CACNA1A: variants seen among roughly 807,000 people sequenced by gnomAD.
The protein encoded by CACNA1A is voltage-dependent P/Q-type calcium channel subunit alpha-1A.
In CACNA1A, 57 loss-of-function variants were observed where a neutral mutation model predicts 262.4. The ratio of observed to expected loss-of-function variants is 0.22; its 90% CI spans 0.18 to 0.27. CACNA1A has a LOEUF of 0.27. Ranked by LOEUF, CACNA1A falls within the 10% of genes least tolerant of loss-of-function variation. The probability of loss-of-function intolerance (pLI) is 1.00; values close to 1 mark genes in which losing one functional copy is unlikely to be tolerated. For missense variants in CACNA1A, 2,526 were observed against 3,562.8 expected, an observed-to-expected ratio of 0.71 and a Z score of 7.41; for synonymous variants, 1,431 against 1,419.3, an observed-to-expected ratio of 1.01 and a Z score of -0.18.
At chr19:13,250,288 G>C (rs1031538398) in intron 30 of CACNA1A, among the ~76,000 whole-genome samples, 3 of 151,982 alleles carry the variant, frequency 2.0e-5, no homozygotes, top group African/African-American at 4.8e-5. Flanking sequence ...TTGAACTCCT[G>C]ACCTCAAGGG....
intron 6 of CACNA1A, among the ~76,000 whole-genome samples, chr19:13,347,848 A>G (rs8110666): frequency 0.76 from 115,675 of 152,212 alleles, 44,414 homozygotes; most frequent in East Asian, 1. Flanking sequence ...GAAAAAGGGC[A>G]TGGGTCAAAG....
chr19:13,320,025 C>A (rs1295618085), intron 10 of CACNA1A, among the ~76,000 whole-genome samples: 1 of 152,158 alleles, frequency 6.6e-6, no homozygotes, highest in Non-Finnish European at 1.5e-5. Context: ...GACCTGCTTA[C>A]AGGGACGCCT....
chr19:13,502,127 G>A lies in CACNA1A; in HGVS notation c.293+3805C>T, dbSNP rs1481523539. Among the ~76,000 whole-genome samples the A allele has an allele frequency of 9.0e-5, 13 of 144,572 alleles. No homozygotes were observed. The South Asian group carries it at 2.0e-3, about 22-fold the overall frequency. The allele number at this position is 144,572 out of a possible 152,430, so 94.8% of individuals were successfully genotyped here. A position where few individuals can be genotyped will look rare whatever the true frequency, so the allele number is the denominator to read the frequency against. ...TCCCATGTCTCCCAGCGCTTCTCAT[G>A]CAGAAAGTTTCTCTTTAGAGAGCTT... On this transcript the variant is annotated intron_variant, in intron 1 of 46. Transcript: ENST00000360228.
Position 13,214,779 on chromosome 19 carries a change from G to A in CACNA1A, c.5732-171C>T, listed in dbSNP as rs2054937510. On this transcript the variant is annotated intron_variant, in intron 38 of 46. Transcript: ENST00000360228. This position sits in a 1 kb window ranked among gnomAD's most constrained non-coding sequence, Gnocchi z 4.1. The stretch of plus-strand genomic sequence containing the variant: ...AGAGGAGGCCCTGGGCAGTGCTGCT[G>A]GAATGACCTTGTGGGCTCTGGTTTT... The A allele has an allele frequency of 8.2e-6, 5 of 613,192 alleles. No homozygotes were observed. In the Admixed American group the frequency reaches 1.4e-4, roughly 17 times the overall value. The allele number at this position is 613,192 out of a possible 1,614,324, so 38.0% of individuals were successfully genotyped here. A position where few individuals can be genotyped will look rare whatever the true frequency, so the allele number is the denominator to read the frequency against.
chr19:13,288,603 G>T (rs1445931021), intron 19 of CACNA1A, among the ~76,000 whole-genome samples: 2 of 152,002 alleles, frequency 1.3e-5, no homozygotes, highest in African/African-American at 4.8e-5. Flanking sequence ...CCCCAGGAGA[G>T]ATCCCACAGC....
chr19:13,433,292 CAAAA>C (rs71170514), intron 3 of CACNA1A, among the ~76,000 whole-genome samples: 1 of 98,216 alleles, frequency 1.0e-5, no homozygotes. Flanking sequence ...GACTCTGTCT[CAAAA>C]AAAAAAAAAA....
intron 35 of CACNA1A, among the ~76,000 whole-genome samples, chr19:13,231,364 A>ACCCCAC (rs887599000): frequency 2.0e-5 from 3 of 151,072 alleles, no homozygotes; most frequent in Non-Finnish European, 4.4e-5. Flanking sequence ...CCCACTCCCA[A>ACCCCAC]CCCCACCCCC....
At chr19:13,261,354 T>C in intron 26 of CACNA1A, 96 bp downstream of exon 26, 1 of 1,076,850 alleles carries the variant, frequency 9.3e-7, no homozygotes, top group Non-Finnish European at 1.3e-6. Context: ...TCATCACTTC[T>C]CCAGTCTCTG....
chr19:13,400,002 GGA>G (rs1409733531), intron 3 of CACNA1A, among the ~76,000 whole-genome samples: 1 of 152,062 alleles, frequency 6.6e-6, no homozygotes, highest in Admixed American at 6.6e-5. Flanking sequence ...TGTAAAATGG[GGA>G]GAGTAAAAAT....
chr19:13,478,142 T>C (rs751974715), intron 1 of CACNA1A, among the ~76,000 whole-genome samples: 5 of 152,172 alleles, frequency 3.3e-5, no homozygotes, highest in Non-Finnish European at 5.9e-5. Context: ...ATTTTCACTC[T>C]GGAAGTCGAC....
chr19:13,500,618 C>G (rs897817124), intron 1 of CACNA1A, among the ~76,000 whole-genome samples: 1 of 152,146 alleles, frequency 6.6e-6, no homozygotes, highest in Non-Finnish European at 1.5e-5. Context: ...CTTAGGAAAA[C>G]AGTTTGAGAG....
intron 8 of CACNA1A, 79 bp from the exon 9 acceptor site, chr19:13,333,004 C>T (rs1321267183): frequency 5.4e-6 from 6 of 1,106,182 alleles, no homozygotes; most frequent in Non-Finnish European, 8.1e-6. Flanking sequence ...AGGGTCTGCC[C>T]GGCCACCCCC....
At chr19:13,442,252 T>G (rs1338846086) in intron 3 of CACNA1A, among the ~76,000 whole-genome samples, 2 of 152,202 alleles carry the variant, frequency 1.3e-5, no homozygotes, top group African/African-American at 4.8e-5. Flanking sequence ...GGGTTTTATG[T>G]GAACAACTAG....
chr19:13,457,442 C>T (rs1431504256), intron 1 of CACNA1A, among the ~76,000 whole-genome samples: 1 of 152,176 alleles, frequency 6.6e-6, no homozygotes, highest in African/African-American at 2.4e-5. Context: ...CAAATATTCA[C>T]AGCAGCACTA....
At position 13,318,890 on chromosome 19, in the gene CACNA1A, C is replaced by CTTTTTTTTTTTTTTTT. The variant is rs751530649; in HGVS notation, c.1346-1585_1346-1570dup. On this transcript the variant is annotated intron_variant, in intron 10 of 46. Coordinates refer to ENST00000360228, the MANE Select transcript of CACNA1A (RefSeq NM_001127222.2). ...ATTGAATTTACCTTCTAAAATACAT[C>CTTTTTTTTTTTTTTTT]TTTTTTTTTTTTTTTTGAGACAGGA... 1.9e-4 allele frequency among the ~76,000 whole-genome samples: 22 copies of CTTTTTTTTTTTTTTTT among 114,670 alleles called. 1 individual carries two copies. The highest frequency in any genetic ancestry group is 9.4e-4 in the East Asian group (3 of 3,192). 75.2% of individuals were successfully genotyped at this position (114,670 alleles called of 152,430 possible). A position where few individuals can be genotyped will look rare whatever the true frequency, so the allele number is the denominator to read the frequency against.
intron 6 of CACNA1A, among the ~76,000 whole-genome samples, chr19:13,345,977 T>C (rs6511860): frequency 0.68 from 99,835 of 146,474 alleles, 34,420 homozygotes; most frequent in East Asian, 0.86. Flanking sequence ...CTCAACTCAC[T>C]GCAACCTCCA....
intron 3 of CACNA1A, among the ~76,000 whole-genome samples, chr19:13,400,021 G>A (rs1054125405): frequency 2.6e-5 from 4 of 152,104 alleles, no homozygotes; most frequent in Admixed American, 6.6e-5. Context: ...AAATACCTAC[G>A]CAGTGTTGCA....
chr19:13,297,156 C>A (rs191743070), intron 19 of CACNA1A, among the ~76,000 whole-genome samples: 74 of 152,328 alleles, frequency 4.9e-4, no homozygotes, highest in African/African-American at 1.8e-3. Flanking sequence ...TACATTACCT[C>A]ATTCAATCCT....
intron 6 of CACNA1A, among the ~76,000 whole-genome samples, chr19:13,336,922 GC>G (rs1251200179): frequency 6.6e-6 from 1 of 152,240 alleles, no homozygotes; most frequent in Non-Finnish European, 1.5e-5. Flanking sequence ...AGCTGTCAGG[GC>G]AGGGGTAGCC....
Sources: allele counts gnomAD v4.1 joint callset (sites outside exome capture counted in the v4.1 genomes callset), GRCh38; gene constraint gnomAD v4.1.1; non-coding constraint Gnocchi (gnomAD v3.1); transcripts MANE v1.5; gene names NCBI Gene and HGNC (gene_info 2026-07-23, HGNC 2026-07-21).